Variants in ANKS1B observed in about 807,000 individuals in gnomAD.
ANKS1B encodes ankyrin repeat and sterile alpha motif domain containing 1B.
Under a neutral mutation model 148.3 loss-of-function variants are expected in ANKS1B, and 36 were observed. The observed-to-expected ratio is 0.24, with a 90% CI of 0.19 to 0.32. The LOEUF is 0.32. Among genes scored for constraint, ANKS1B ranks in the 10% least tolerant of loss-of-function variants. ANKS1B has a pLI of 1.00. For missense variants in ANKS1B, 1,157 were observed against 1,542.6 expected (o/e 0.75, Z 4.19); for synonymous variants, 542 against 560.8 (o/e 0.97, Z 0.47).
At chr12:99,851,850 A>G (rs2087908891) in intron 1 of ANKS1B, among the ~76,000 whole-genome samples, 3 of 152,320 alleles carry the variant, frequency 2.0e-5, no homozygotes, top group Admixed American at 6.5e-5. Flanking sequence ...TTTTCAAACT[A>G]TGCTATTCAG....
intron 15 of ANKS1B, among the ~76,000 whole-genome samples, chr12:99,151,877 T>TCTA (rs1283211869): frequency 6.6e-6 from 1 of 152,186 alleles, no homozygotes; most frequent in Non-Finnish European, 1.5e-5. Flanking sequence ...CCTTTTGATT[T>TCTA]CTACTGTCTT....
intron 9 of ANKS1B, among the ~76,000 whole-genome samples, chr12:99,613,198 A>G (rs1200863714): frequency 1.3e-5 from 2 of 152,158 alleles, no homozygotes; most frequent in African/African-American, 2.4e-5. Flanking sequence ...TCAAAAAAAT[A>G]ACAGACGCTG....
intron 22 of ANKS1B, among the ~76,000 whole-genome samples, chr12:98,797,795 T>TC (rs2098963336): frequency 2.0e-5 from 3 of 152,222 alleles, no homozygotes; most frequent in Admixed American, 6.5e-5. Context: ...TCAGTGTAAT[T>TC]ATATGCTCTT....
chr12:99,690,804 T>C lies in ANKS1B; in HGVS notation c.1129-35594A>G, dbSNP rs1389129088. 2.0e-5 allele frequency among the ~76,000 whole-genome samples: 3 copies of C among 152,030 alleles called. No individual in the cohort carries two copies. In the East Asian group the frequency reaches 5.8e-4, roughly 29 times the overall value. ...TGTAAGTGGATCTATGATTCCGAGG[T>C]TTGGAGGATGGTGACCCTCTTCTTG... On this transcript the variant is annotated intron_variant, in intron 8 of 26. Transcript: ENST00000683438.
intron 4 of ANKS1B, among the ~76,000 whole-genome samples, chr12:99,788,661 C>T (rs970520326): frequency 1.3e-5 from 2 of 152,088 alleles, no homozygotes; most frequent in Non-Finnish European, 2.9e-5. Context: ...AGCAGGCACA[C>T]GGGGTCTCTG....
At chr12:99,063,192 T>C (rs74760507) in intron 16 of ANKS1B, among the ~76,000 whole-genome samples, 1 of 152,352 alleles carries the variant, frequency 6.6e-6, no homozygotes, top group Non-Finnish European at 1.5e-5. Context: ...CCCACCTGGA[T>C]GTACTTTGTA....
chr12:98,863,281 C>G (rs1315188309), intron 17 of ANKS1B, among the ~76,000 whole-genome samples: 1 of 152,276 alleles, frequency 6.6e-6, no homozygotes, highest in Non-Finnish European at 1.5e-5. Context: ...AAGAACAAAA[C>G]AGTGGGGTTT....
intron 1 of ANKS1B, among the ~76,000 whole-genome samples, chr12:99,936,578 C>CTTATATTA: frequency 6.6e-6 from 1 of 152,304 alleles, no homozygotes; most frequent in South Asian, 2.1e-4. Flanking sequence ...ATTATAAGGC[C>CTTATATTA]TATGTTACTG....
intron 1 of ANKS1B, among the ~76,000 whole-genome samples, chr12:99,922,040 G>C (rs185056323): frequency 6.6e-6 from 1 of 152,098 alleles, no homozygotes; most frequent in Non-Finnish European, 1.5e-5. Flanking sequence ...GTGTGACCTT[G>C]AGAAAATCCC....
At chr12:98,964,558 G>A (rs1391529807) in intron 17 of ANKS1B, among the ~76,000 whole-genome samples, 1 of 152,172 alleles carries the variant, frequency 6.6e-6, no homozygotes, top group Non-Finnish European at 1.5e-5. Flanking sequence ...CAACCCAAAT[G>A]TTCATCAACA....
intron 10 of ANKS1B, among the ~76,000 whole-genome samples, chr12:99,480,263 G>C (rs1413892225): frequency 1.3e-5 from 2 of 151,650 alleles, no homozygotes; most frequent in African/African-American, 4.8e-5. Flanking sequence ...CCTTTCCTTG[G>C]AGCTTCAAAC....
intron 12 of ANKS1B, among the ~76,000 whole-genome samples, chr12:99,299,862 C>T (rs2081373678): frequency 6.6e-6 from 1 of 152,118 alleles, no homozygotes; most frequent in African/African-American, 2.4e-5. Context: ...CTGCACAGTT[C>T]CAGTGATAAA....
chr12:99,276,473 T>C (rs946927918), intron 12 of ANKS1B, among the ~76,000 whole-genome samples: 2 of 152,112 alleles, frequency 1.3e-5, no homozygotes, highest in African/African-American at 4.8e-5. Context: ...TGAGAGACAC[T>C]TGAGATGTGT....
chr12:98,811,364 C>A (rs2099094151), intron 19 of ANKS1B, among the ~76,000 whole-genome samples: 1 of 152,164 alleles, frequency 6.6e-6, no homozygotes, highest in South Asian at 2.1e-4. Context: ...ATGATATGGA[C>A]ACACATCCTT....
intron 17 of ANKS1B, among the ~76,000 whole-genome samples, chr12:99,037,842 A>G (rs2099956496): frequency 6.6e-6 from 1 of 151,214 alleles, no homozygotes. Context: ...TGAAGCCTGT[A>G]CCATCATTTT....
chr12:98,764,740 C>T (rs1360852483), intron 25 of ANKS1B, among the ~76,000 whole-genome samples: 3 of 152,170 alleles, frequency 2.0e-5, no homozygotes, highest in Admixed American at 6.5e-5. Context: ...AATGAGTTGC[C>T]GTGCCTCCAA....
At chr12:98,817,932 G>C (rs186387672) in intron 19 of ANKS1B, among the ~76,000 whole-genome samples, 1 of 152,158 alleles carries the variant, frequency 6.6e-6, no homozygotes, top group Non-Finnish European at 1.5e-5. Flanking sequence ...GCCAACAGTT[G>C]TTTCTCTAAC....
At chr12:99,582,146 C>T (rs1327295453) in intron 9 of ANKS1B, among the ~76,000 whole-genome samples, 1 of 151,642 alleles carries the variant, frequency 6.6e-6, no homozygotes, top group Non-Finnish European at 1.5e-5. Context: ...ATGCAAATAA[C>T]ATACCAGAAC....
chr12:98,963,287 C>T (rs1169533505), intron 17 of ANKS1B, among the ~76,000 whole-genome samples: 3 of 151,492 alleles, frequency 2.0e-5, no homozygotes, highest in Non-Finnish European at 2.9e-5. Context: ...TCAAGCAATT[C>T]TCATGTCTCA....
Sources: gnomAD v4.1 joint callset for allele counts (sites outside exome capture counted in the v4.1 genomes callset) on GRCh38, gnomAD v4.1.1 for gene constraint, MANE v1.5 for transcripts, NCBI Gene and HGNC (gene_info 2026-07-23, HGNC 2026-07-21) for gene names.